The following SLC30A5 variants were observed in gnomAD, a reference collection of about 807,000 sequenced individuals.
SLC30A5 encodes proton-coupled zinc antiporter SLC30A5.
SLC30A5 carries 33 observed loss-of-function variants against 79.6 expected under a neutral mutation model. That is an observed-to-expected ratio of 0.41 (90% CI 0.31 to 0.55). SLC30A5 has a LOEUF of 0.55. SLC30A5 is among the 20% of genes least tolerant of loss of function. The probability of loss-of-function intolerance (pLI) is 0.20; values close to 1 mark genes in which losing one functional copy is unlikely to be tolerated. For missense variants in SLC30A5, 788 were observed against 928.1 expected (o/e 0.85, Z 1.96); for synonymous variants, 299 against 319.7 (o/e 0.94, Z 0.69).
intron 12 of SLC30A5, among the ~76,000 whole-genome samples, chr5:69,119,875 C>G (rs1746487895): frequency 2.0e-5 from 3 of 151,936 alleles, no homozygotes; most frequent in Middle Eastern, 6.8e-3. Context: ...CAAAAATTAG[C>G]CGGGCATGAT....
chr5:69,120,570 G>A (rs1746510388), intron 12 of SLC30A5, among the ~76,000 whole-genome samples: 1 of 152,102 alleles, frequency 6.6e-6, no homozygotes, highest in East Asian at 1.9e-4. Context: ...AATACACAAT[G>A]ATGAAGTATT....
intron 4 of SLC30A5, 26 bp downstream of exon 4, chr5:69,104,742 G>A (rs547854172): frequency 2.5e-6 from 4 of 1,592,170 alleles, no homozygotes; most frequent in Admixed American, 1.8e-5. Context: ...TATTTTGAAT[G>A]TGTGTTTGTA....
At chr5:69,110,615 C>T (rs1188960040) in intron 5 of SLC30A5, among the ~76,000 whole-genome samples, 7 of 151,470 alleles carry the variant, frequency 4.6e-5, no homozygotes, top group Non-Finnish European at 8.8e-5. Context: ...GAATAAAATA[C>T]GTAGATGGAG....
At chr5:69,102,859 CAAAAAAA>C in intron 2 of SLC30A5, 196 bp from the exon 3 acceptor site, 2 of 131,702 alleles carry the variant, frequency 1.5e-5, no homozygotes, top group Non-Finnish European at 2.8e-5. Context: ...GACTCCATCT[CAAAAAAA>C]AAAAAAAAAA....
At chr5:69,098,891 T>A (rs915965325) in intron 1 of SLC30A5, among the ~76,000 whole-genome samples, 1 of 152,224 alleles carries the variant, frequency 6.6e-6, no homozygotes, top group African/African-American at 2.4e-5. Context: ...AAATAAACCT[T>A]TGTTTAAAAT....
At chr5:69,104,492 G>C (rs977831345) in intron 3 of SLC30A5, 139 bp from the exon 4 acceptor site, 10 of 1,395,412 alleles carry the variant, frequency 7.2e-6, no homozygotes, top group Admixed American at 3.4e-5. Context: ...GGGATCTTAT[G>C]TTTTCTATTT....
chr5:69,098,782 TAAATG>T (rs1334989689), intron 1 of SLC30A5, among the ~76,000 whole-genome samples: 1 of 152,234 alleles, frequency 6.6e-6, no homozygotes, highest in Non-Finnish European at 1.5e-5. Context: ...TTGTAAGAAT[TAAATG>T]AAATGATATA....
chr5:69,122,610 C>T (rs753770178), intron 13 of SLC30A5, among the ~76,000 whole-genome samples: 7 of 152,140 alleles, frequency 4.6e-5, no homozygotes, highest in African/African-American at 7.2e-5. Flanking sequence ...GCCAAGATTA[C>T]GCCACTTTAC....
intron 4 of SLC30A5, among the ~76,000 whole-genome samples, chr5:69,107,889 C>T (rs1389241107): frequency 2.0e-5 from 3 of 152,104 alleles, no homozygotes; most frequent in African/African-American, 4.8e-5. Context: ...TGTGCCACCA[C>T]GCCCAGCCAA....
chr5:69,121,591 A>G, intron 12 of SLC30A5, 103 bp from the exon 13 acceptor site: 2 of 835,716 alleles, frequency 2.4e-6, no homozygotes, highest in South Asian at 4.6e-5. Context: ...GAATACTTTC[A>G]AAACTGTAAA....
At chr5:69,109,240 G>T (rs1486422350) in intron 5 of SLC30A5, among the ~76,000 whole-genome samples, 1 of 151,586 alleles carries the variant, frequency 6.6e-6, no homozygotes, top group African/African-American at 2.4e-5. Flanking sequence ...CGAGGGGATG[G>T]ATACCCCAAT....
intron 12 of SLC30A5, among the ~76,000 whole-genome samples, chr5:69,120,414 A>AT (rs1746506304): frequency 6.6e-6 from 1 of 152,072 alleles, no homozygotes; most frequent in South Asian, 2.1e-4. Context: ...GTAAAATAGT[A>AT]TTATGATTAC....
Position 69,121,796 on chromosome 5 carries a change from T to A in SLC30A5, c.1672T>A (p.Ser558Thr). 6.2e-7 allele frequency: 1 copy of A among 1,612,562 alleles called. No homozygotes were observed. Among genetic ancestry groups the A allele is most frequent in the South Asian group, 1.1e-5 (1 of 90,926 alleles). The change falls in exon 13 of 16, where the codon TCT (serine) becomes ACT (threonine). Residue 558 changes from serine (S) to threonine (T), a missense_variant. Coordinates refer to ENST00000396591, the MANE Select transcript of SLC30A5 (RefSeq NM_022902.5). ...AGCTTCTCAAGGAAGCTGTCACTCATCTGATCACAGCCATTCACACCATAT... is the reference window on the plus strand; with the variant it reads ...AGCTTCTCAAGGAAGCTGTCACTCAACTGATCACAGCCATTCACACCATAT... ...HGASQGSCHS[S>T]DHSHSHHMHG...
At chr5:69,119,921 G>A (rs1314474265) in intron 12 of SLC30A5, among the ~76,000 whole-genome samples, 1 of 150,092 alleles carries the variant, frequency 6.7e-6, no homozygotes, top group Non-Finnish European at 1.5e-5. Flanking sequence ...TTGGGAGGCT[G>A]AGGCAGGAGA....
intron 5 of SLC30A5, among the ~76,000 whole-genome samples, chr5:69,110,119 C>G (rs1746192478): frequency 6.6e-6 from 1 of 152,134 alleles, no homozygotes; most frequent in African/African-American, 2.4e-5. Flanking sequence ...AGATAAACTC[C>G]TCTACACTCC....
intron 14 of SLC30A5, among the ~76,000 whole-genome samples, chr5:69,124,149 G>C (rs1203856032): frequency 6.9e-6 from 1 of 145,872 alleles, no homozygotes; most frequent in Admixed American, 6.9e-5. Flanking sequence ...TTTGGTCCTT[G>C]CACAAGAATA....
Position 69,117,279 on chromosome 5 carries a change from A to G in SLC30A5, c.1322A>G (p.Asn441Ser). 6.2e-7 allele frequency: 1 copy of G among 1,613,712 alleles called. No individual in the cohort carries two copies. Among genetic ancestry groups the G allele is most frequent in the Admixed American group, 1.7e-5 (1 of 59,936 alleles). ...FVELFYGVLT[N>S]SLGLISDGFH... is the part of the protein sequence containing the mutation. ...GAATTATTCTATGGCGTGCTGACCA[A>G]TAGTCTGGGCCTGATCTCGGATGGA... The change falls in exon 11 of 16, where the codon AAT becomes AGT. Residue 441 changes from asparagine to serine, a missense_variant. This residue lies in a region of SLC30A5 where 626 missense variants were observed against 755.5 expected (regional missense o/e 0.83). Transcript: ENST00000396591.
chr5:69,110,276 C>T (rs1746197488), intron 5 of SLC30A5, among the ~76,000 whole-genome samples: 1 of 152,128 alleles, frequency 6.6e-6, no homozygotes, highest in Non-Finnish European at 1.5e-5. Context: ...TGTGACTGAT[C>T]TCCCACACTT....
chr5:69,105,351 T>TTAC (rs1746052716), intron 4 of SLC30A5, among the ~76,000 whole-genome samples: 2 of 152,230 alleles, frequency 1.3e-5, no homozygotes, highest in African/African-American at 4.8e-5. Context: ...TAAAGGATTT[T>TTAC]ACTTAGTGAA....
Sources: gnomAD v4.1 joint callset for allele counts (sites outside exome capture counted in the v4.1 genomes callset) on GRCh38, gnomAD v4.1.1 for gene constraint, gnomAD v4.1.1 regional missense constraint, MANE v1.5 for transcripts, NCBI Gene and HGNC (gene_info 2026-07-23, HGNC 2026-07-21) for gene names.